Variants in CHD8 observed in about 807,000 individuals in gnomAD.
The protein encoded by CHD8 is ATP-dependent chromatin remodeler CHD8.
A neutral mutation model predicts 279.2 loss-of-function variants in CHD8; 31 were observed. That is an observed-to-expected ratio of 0.11 (90% CI 0.08 to 0.15). CHD8 has a LOEUF of 0.15. CHD8 is among the 10% of genes least tolerant of loss of function. CHD8 has a pLI of 1.00. For synonymous variants in CHD8, 1,081 were observed against 1,139.6 expected, an observed-to-expected ratio of 0.95 and a Z score of 1.04; for missense variants, 2,146 against 3,230.5, an observed-to-expected ratio of 0.66 and a Z score of 8.14.
chr14:21,448,096 T>C (rs937746688), intron 1 of CHD8, among the ~76,000 whole-genome samples: 2 of 152,220 alleles, frequency 1.3e-5, no homozygotes, highest in Admixed American at 6.5e-5. Context: ...TTCAGCCTAA[T>C]AGAAATATAT....
chr14:21,441,704 C>T (rs549774772), intron 1 of CHD8, among the ~76,000 whole-genome samples: 40 of 151,998 alleles, frequency 2.6e-4, no homozygotes, highest in South Asian at 1.7e-3. Flanking sequence ...CTGGCTAACA[C>T]GGTGAAACCC....
At chr14:21,451,467 G>A (rs1317215966) in intron 1 of CHD8, among the ~76,000 whole-genome samples, 2 of 150,636 alleles carry the variant, frequency 1.3e-5, no homozygotes, top group South Asian at 4.2e-4. Flanking sequence ...GCTACTCGGG[G>A]AGGCTGAGGC....
intron 7 of CHD8, 101 bp from the exon 8 acceptor site, chr14:21,415,094 T>C: frequency 1.3e-6 from 1 of 748,872 alleles, no homozygotes; most frequent in South Asian, 1.6e-5. Flanking sequence ...CAATAATCTC[T>C]GAATATATTA....
intron 1 of CHD8, among the ~76,000 whole-genome samples, chr14:21,433,247 CCTAT>C (rs1278732756): frequency 6.6e-6 from 1 of 152,154 alleles, no homozygotes; most frequent in East Asian, 1.9e-4. Context: ...TAAAAAGCTT[CCTAT>C]CTTGAAAACA....
intron 9 of CHD8, 133 bp downstream of exon 9, chr14:21,414,168 T>C (rs1797023311): frequency 1.6e-6 from 1 of 607,142 alleles, no homozygotes; most frequent in Non-Finnish European, 2.9e-6. Context: ...GGGAAGTCAA[T>C]GACCAAAATT....
At chr14:21,407,124 A>G in intron 13 of CHD8, 92 bp from the exon 14 acceptor site, 3 of 1,023,478 alleles carry the variant, frequency 2.9e-6, no homozygotes, top group South Asian at 1.7e-5. Flanking sequence ...AGGCATGTTT[A>G]ATAGGCAATA....
chr14:21,435,206 C>G (rs1370531863), intron 1 of CHD8, among the ~76,000 whole-genome samples: 1 of 152,136 alleles, frequency 6.6e-6, no homozygotes, highest in Admixed American at 6.5e-5. Flanking sequence ...TCTTGGAGGG[C>G]ATGTAGGGGG....
At chr14:21,417,417 T>C (rs566908483) in intron 5 of CHD8, among the ~76,000 whole-genome samples, 4 of 152,036 alleles carry the variant, frequency 2.6e-5, no homozygotes, top group African/African-American at 7.2e-5. Context: ...ACTACAGAAC[T>C]ACTAAAAAAG....
At position 21,428,251 on chromosome 14, in the gene CHD8, C is replaced by T. The variant is rs776226082; in HGVS notation, c.1219G>A (p.Gly407Ser). 1.6e-5 allele frequency: 25 copies of T among 1,612,658 alleles called. No homozygotes were observed. The Admixed American group carries it at 3.8e-4, about 25-fold the overall frequency. Reference sequence around the variant, plus strand: ...CCAGAAGAGGCCCCTTGGGAAGAGCCAGCCTATAGAAACAAAGATACTACA... The same window carrying T: ...CCAGAAGAGGCCCCTTGGGAAGAGCTAGCCTATAGAAACAAAGATACTACA... ...PVKVVLQPQA[G>S]SSQGASSGLS... is the part of the protein sequence containing the mutation. The change falls in exon 4 of 38, where the codon GGC becomes AGC. Residue 407 changes from glycine (G) to serine (S), a missense_variant. By Grantham distance (56) the Gly-to-Ser change is moderately conservative. This residue lies in a region of CHD8 where 170 missense variants were observed against 189.9 expected (regional missense o/e 0.90). Transcript: ENST00000646647.
intron 1 of CHD8, among the ~76,000 whole-genome samples, chr14:21,443,169 A>G (rs534595421): frequency 1.6e-4 from 25 of 152,104 alleles, no homozygotes; most frequent in Non-Finnish European, 3.1e-4. Context: ...AGGCGGGAGG[A>G]TCACCAGGTC....
Position 21,403,640 on chromosome 14 carries a change from C to G in CHD8, c.3331G>C (p.Glu1111Gln), listed in dbSNP as rs970353812. Residue 1111 changes from glutamate (E) to glutamine (Q), a missense_variant, in exon 17 of 38, where the codon GAA (glutamate) becomes CAA (glutamine). By Grantham distance (29) the Glu-to-Gln change is conservative. Transcript: ENST00000646647. This position sits in a 1 kb window ranked among gnomAD's most constrained non-coding sequence, Gnocchi z 4.3. ...INGAEEKILTEFREACHIIPH... is the reference protein window; with the variant it reads ...INGAEEKILTQFREACHIIPH... ...ATAATATGGCAAGCTTCACGGAATTCTGTTAGGATTTTTTCTTCAGCACCT... is the reference window on the plus strand; with the variant it reads ...ATAATATGGCAAGCTTCACGGAATTGTGTTAGGATTTTTTCTTCAGCACCT... 2.5e-6 allele frequency: 4 copies of G among 1,596,428 alleles called. No individual in the cohort carries two copies. The highest frequency in any genetic ancestry group is 1.8e-5 in the Admixed American group (1 of 57,116).
chr14:21,437,477 G>A (rs1408118894), intron 1 of CHD8, among the ~76,000 whole-genome samples: 1 of 152,196 alleles, frequency 6.6e-6, no homozygotes, highest in East Asian at 1.9e-4. Flanking sequence ...AAAAAAGGGG[G>A]CTGGCCAGAG....
intron 4 of CHD8, chr14:21,427,167 A>C (rs1451086779): frequency 6.5e-6 from 1 of 154,326 alleles, no homozygotes; most frequent in African/African-American, 2.4e-5. Flanking sequence ...TCTATAATAG[A>C]TCACCTTGAA....
chr14:21,438,488 A>G lies in CHD8; in HGVS notation c.-215-6630T>C, dbSNP rs190788952. On this transcript the variant is annotated intron_variant, in intron 1 of 37. Coordinates refer to ENST00000646647, the MANE Select transcript of CHD8 (RefSeq NM_001170629.2). The stretch of plus-strand genomic sequence containing the variant: ...CCAGGAGTTCAAGACCAGCTTGGGC[A>G]TTACATAGTAACACCTAGTCTCTTA... Among the ~76,000 whole-genome samples the G allele has an allele frequency of 5.0e-4, 70 of 140,146 alleles. 1 individual carries two copies. The East Asian group carries it at 0.012, about 24-fold the overall frequency. The allele number at this position is 140,146 out of a possible 152,430, so 91.9% of individuals were successfully genotyped here. A position where few individuals can be genotyped will look rare whatever the true frequency, so the allele number is the denominator to read the frequency against.
intron 5 of CHD8, among the ~76,000 whole-genome samples, chr14:21,418,800 G>A (rs1007262290): frequency 2.0e-5 from 3 of 152,144 alleles, no homozygotes; most frequent in African/African-American, 4.8e-5. Flanking sequence ...CAGCCTGGGC[G>A]ACACAGGGAG....
intron 4 of CHD8, 22 bp from the exon 5 acceptor site, chr14:21,426,264 C>CA (rs754888201): frequency 1.2e-5 from 15 of 1,288,582 alleles, no homozygotes; most frequent in Non-Finnish European, 1.3e-5. Flanking sequence ...AAACCAAATT[C>CA]ATTTTCAGTG....
chr14:21,432,067 T>TACAAA (rs1193287191), intron 1 of CHD8, among the ~76,000 whole-genome samples: 1 of 152,168 alleles, frequency 6.6e-6, no homozygotes, highest in Non-Finnish European at 1.5e-5. Context: ...AACAACCTCC[T>TACAAA]CTTGGGCACT....
At chr14:21,396,733 C>G (rs11623737) in intron 27 of CHD8, 122,411 of 152,110 alleles carry the variant, frequency 0.8, 50,763 homozygotes, top group South Asian at 0.91. Flanking sequence ...GCCACCACTC[C>G]TGGCTAATTT....
At chr14:21,435,804 C>G (rs1370551196) in intron 1 of CHD8, among the ~76,000 whole-genome samples, 1 of 152,122 alleles carries the variant, frequency 6.6e-6, no homozygotes, top group Non-Finnish European at 1.5e-5. Context: ...GCCTTCTTGG[C>G]CAGTGAAGAT....
Sources: allele counts gnomAD v4.1 joint callset (sites outside exome capture counted in the v4.1 genomes callset), GRCh38; gene constraint gnomAD v4.1.1; regional missense constraint gnomAD v4.1.1; non-coding constraint Gnocchi (gnomAD v3.1); transcripts MANE v1.5; gene names NCBI Gene and HGNC (gene_info 2026-07-23, HGNC 2026-07-21).